ITPR2: variants seen among roughly 807,000 people sequenced by gnomAD.
ITPR2 encodes the protein inositol 1,4,5-trisphosphate receptor type 2.
In ITPR2, 207 loss-of-function variants were observed where a neutral mutation model predicts 317.1. The ratio of observed to expected loss-of-function variants is 0.65; its 90% CI spans 0.58 to 0.73. The LOEUF (loss-of-function observed/expected upper bound fraction) is 0.73, where lower values mean the gene tolerates loss of function less well. Ranked by LOEUF, ITPR2 falls within the 30% of genes least tolerant of loss-of-function variation. The pLI, the probability that ITPR2 is intolerant of heterozygous loss-of-function variation, is 0.00. For missense variants in ITPR2, 2,613 were observed against 3,284.0 expected, an observed-to-expected ratio of 0.80 and a Z score of 4.99; for synonymous variants, 1,156 against 1,149.1, an observed-to-expected ratio of 1.01 and a Z score of -0.12.
chr12:26,651,937 T>C (rs951560332), intron 21 of ITPR2, among the ~76,000 whole-genome samples: 2 of 152,236 alleles, frequency 1.3e-5, no homozygotes, highest in South Asian at 4.1e-4. Context: ...CTCGAAGGGG[T>C]GCCCTTCCCT....
chr12:26,712,041 G>C (rs1173633303), intron 8 of ITPR2, among the ~76,000 whole-genome samples: 1 of 152,128 alleles, frequency 6.6e-6, no homozygotes, highest in African/African-American at 2.4e-5. Context: ...GACACACCTG[G>C]TTATGACAGG....
intron 37 of ITPR2, among the ~76,000 whole-genome samples, chr12:26,515,902 G>A (rs1246892177): frequency 6.6e-6 from 1 of 150,886 alleles, no homozygotes; most frequent in Non-Finnish European, 1.5e-5. Context: ...TTGAGCCCAG[G>A]AGTTCAAGAC....
At chr12:26,774,152 T>C (rs1188818382) in intron 2 of ITPR2, among the ~76,000 whole-genome samples, 1 of 152,130 alleles carries the variant, frequency 6.6e-6, no homozygotes, top group Non-Finnish European at 1.5e-5. Context: ...AAACTAAAGA[T>C]TTGTTAGAAT....
At chr12:26,568,722 T>C (rs1426342526) in intron 34 of ITPR2, among the ~76,000 whole-genome samples, 3 of 152,106 alleles carry the variant, frequency 2.0e-5, no homozygotes, top group Non-Finnish European at 4.4e-5. Context: ...AAAACCTGGT[T>C]GGTTGTCAAG....
At chr12:26,398,188 C>G (rs1313212664) in intron 54 of ITPR2, among the ~76,000 whole-genome samples, 7 of 151,856 alleles carry the variant, frequency 4.6e-5, no homozygotes. Context: ...TTTGGGAGGC[C>G]AAGGCGGGTG....
chr12:26,760,501 G>C (rs964998723), intron 2 of ITPR2, among the ~76,000 whole-genome samples: 1 of 23,980 alleles, frequency 4.2e-5, no homozygotes, highest in African/African-American at 1.1e-4. Flanking sequence ...CCCAAGGCAG[G>C]AAAGAGAAGT....
chr12:26,486,324 T>C lies in ITPR2; in HGVS notation c.5591A>G (p.Lys1864Arg). 1 of 1,613,338 alleles carries C rather than the reference T, an allele frequency of 6.2e-7. No individual in the cohort carries two copies. Among genetic ancestry groups the C allele is most frequent in the Non-Finnish European group, 8.5e-7 (1 of 1,179,290 alleles). ...DSTLHLKEGM[K>R]GQLTEASSAT... ...TGAAGAAGCTTCTGTTAATTGCCCTTTCATTCCCTCTTTTAAATGTAGTGT... is the reference window on the plus strand; with the variant it reads ...TGAAGAAGCTTCTGTTAATTGCCCTCTCATTCCCTCTTTTAAATGTAGTGT... Residue 1864 changes from lysine (K) to arginine (R), a missense_variant, in exon 41 of 57, where the codon AAA becomes AGA. Around this residue, in one of 9 missense-constraint regions of ITPR2, gnomAD observed 926 missense variants for 1,072.8 expected, o/e 0.86. Transcript: ENST00000381340.
intron 36 of ITPR2, among the ~76,000 whole-genome samples, chr12:26,552,953 G>A (rs1944565026): frequency 6.6e-6 from 1 of 152,138 alleles, no homozygotes. Flanking sequence ...GCCACATAAT[G>A]TTTGGTTGAG....
intron 10 of ITPR2, among the ~76,000 whole-genome samples, chr12:26,687,135 C>T (rs1408220225): frequency 6.6e-6 from 1 of 152,128 alleles, no homozygotes; most frequent in Admixed American, 6.5e-5. Context: ...CAAGAACATA[C>T]TATAATTGCA....
At chr12:26,810,309 G>C (rs1188301286) in intron 1 of ITPR2, among the ~76,000 whole-genome samples, 1 of 151,788 alleles carries the variant, frequency 6.6e-6, no homozygotes, top group African/African-American at 2.4e-5. Context: ...TTTTCATAGT[G>C]TCCTATATTT....
chr12:26,609,451 ACAAAAATCAGCCAGGCGTGGTG>A (rs1370632977), intron 26 of ITPR2, among the ~76,000 whole-genome samples: 5 of 152,132 alleles, frequency 3.3e-5, no homozygotes, highest in African/African-American at 1.2e-4. Context: ...TACAAAAAAT[ACAAAAATCAGCCAGGCGTGGTG>A]GTGCACACAT....
At chr12:26,811,933 G>A (rs1203762472) in intron 1 of ITPR2, among the ~76,000 whole-genome samples, 2 of 151,376 alleles carry the variant, frequency 1.3e-5, no homozygotes, top group African/African-American at 2.4e-5. Context: ...GGAGGCCAAG[G>A]GGCAGATCAC....
chr12:26,627,912 A>T, intron 23 of ITPR2, 121 bp downstream of exon 23: 1 of 868,048 alleles, frequency 1.2e-6, no homozygotes, highest in Non-Finnish European at 1.7e-6. Context: ...CCCAGAACTT[A>T]AAGTATAATA....
At chr12:26,517,892 A>T (rs1007870247) in intron 37 of ITPR2, among the ~76,000 whole-genome samples, 3 of 152,200 alleles carry the variant, frequency 2.0e-5, no homozygotes, top group Non-Finnish European at 4.4e-5. Context: ...GAAGTTGCAG[A>T]GAAAAGAGAA....
At position 26,831,095 on chromosome 12, in the gene ITPR2, A is replaced by G. The variant is rs1193765130; in HGVS notation, c.92+1595T>C. On this transcript the variant is annotated intron_variant, in intron 1 of 56. Coordinates refer to ENST00000381340, the MANE Select transcript of ITPR2 (RefSeq NM_002223.4). The surrounding 1 kb of genome is among the most constrained non-coding windows in gnomAD (Gnocchi z 4.9). Reference sequence around the variant, plus strand: ...ACACACACACCTGGAGAGTCTACGGAGGGTGAAGAGCAGCAGAGTCCACCT... The same window carrying G: ...ACACACACACCTGGAGAGTCTACGGGGGGTGAAGAGCAGCAGAGTCCACCT... Among the ~76,000 whole-genome samples the G allele has an allele frequency of 6.6e-6, 1 of 152,172 alleles. No individual in the cohort carries two copies. Among genetic ancestry groups the G allele is most frequent in the African/African-American group, 2.4e-5 (1 of 41,434 alleles).
intron 55 of ITPR2, among the ~76,000 whole-genome samples, chr12:26,370,866 G>T (rs911765137): frequency 1.3e-5 from 2 of 152,146 alleles, no homozygotes; most frequent in Non-Finnish European, 1.5e-5. Flanking sequence ...GTAGAGACAG[G>T]GTTTCACCAT....
chr12:26,804,059 T>C (rs1406489806), intron 1 of ITPR2, among the ~76,000 whole-genome samples: 5 of 152,074 alleles, frequency 3.3e-5, no homozygotes, highest in Non-Finnish European at 1.5e-5. Context: ...CTTGTGAAAT[T>C]TCCAAGCAGA....
At chr12:26,626,118 C>T (rs552215316) in intron 23 of ITPR2, among the ~76,000 whole-genome samples, 1 of 152,260 alleles carries the variant, frequency 6.6e-6, no homozygotes, top group East Asian at 1.9e-4. Context: ...CGCGCCTCCA[C>T]TACTGGCTAA....
At chr12:26,543,288 C>T (rs918427002) in intron 37 of ITPR2, among the ~76,000 whole-genome samples, 8 of 152,032 alleles carry the variant, frequency 5.3e-5, no homozygotes, top group Non-Finnish European at 1.2e-4. Context: ...TCTTTAAATA[C>T]ACAGAACGAA....
Sources: allele counts gnomAD v4.1 joint callset (sites outside exome capture counted in the v4.1 genomes callset), GRCh38; gene constraint gnomAD v4.1.1; regional missense constraint gnomAD v4.1.1; non-coding constraint Gnocchi (gnomAD v3.1); transcripts MANE v1.5; gene names NCBI Gene and HGNC (gene_info 2026-07-23, HGNC 2026-07-21).